PLCH2: variants seen among roughly 807,000 people sequenced by gnomAD.
The protein encoded by PLCH2 is phospholipase C eta 2, also known as 1-phosphatidylinositol 4,5-bisphosphate phosphodiesterase eta-2.
A neutral mutation model predicts 134.7 loss-of-function variants in PLCH2; 98 were observed. That is an observed-to-expected ratio of 0.73 (90% CI 0.62 to 0.86). The LOEUF (loss-of-function observed/expected upper bound fraction) is 0.86, where lower values mean the gene tolerates loss of function less well. PLCH2 is among the 40% of genes least tolerant of loss of function. PLCH2 has a pLI of 0.00. For synonymous variants in PLCH2, 974 were observed against 827.5 expected (o/e 1.18, Z -3.04); for missense variants, 1,994 against 1,986.6 (o/e 1.00, Z -0.07).
chr1:2,431,701 C>T (rs1481531726), intron 2 of PLCH2, among the ~76,000 whole-genome samples: 2 of 152,158 alleles, frequency 1.3e-5, no homozygotes, highest in Admixed American at 6.5e-5. Context: ...TAGAGGACTC[C>T]TGCTGTGTAC....
chr1:2,418,296 G>A, the PLCH2 span, among the ~76,000 whole-genome samples: 2 of 152,240 alleles, frequency 1.3e-5, no homozygotes, highest in South Asian at 2.1e-4. Flanking sequence ...TCCTCTGGGC[G>A]CCTTCAGTTA....
chr1:2,437,375 C>T lies in PLCH2; in HGVS notation c.115+6746C>T, dbSNP rs569556109. Among the ~76,000 whole-genome samples the T allele has an allele frequency of 4.3e-3, 654 of 152,282 alleles. 3 individuals carry two copies. The highest frequency in any genetic ancestry group is 6.4e-3 in the Non-Finnish European group (438 of 68,016). ...AAGACTGACTTAGACCTCCTCTGGCCAGCTGGACAGCTCTGCCCAAATCTC... is the reference window on the plus strand; with the variant it reads ...AAGACTGACTTAGACCTCCTCTGGCTAGCTGGACAGCTCTGCCCAAATCTC... On this transcript the variant is annotated intron_variant, in intron 2 of 3. Transcript: ENST00000609981.
At chr1:2,450,560 G>GCCCCCTAACTCCCCACCTT (rs1200111992) in intron 2 of PLCH2, among the ~76,000 whole-genome samples, 1 of 38,604 alleles carries the variant, frequency 2.6e-5, no homozygotes, top group Non-Finnish European at 5.0e-5. Context: ...TTCCCCACCT[G>GCCCCCTAACTCCCCACCTT]CCCCCTAACT....
the PLCH2 span, among the ~76,000 whole-genome samples, chr1:2,418,972 A>ACC: frequency 6.6e-6 from 1 of 151,936 alleles, no homozygotes; most frequent in African/African-American, 2.4e-5. Context: ...CCACTCCCCT[A>ACC]CCCGAGAGAG....
chr1:2,424,798 T>G (rs570324702), upstream of PLCH2, among the ~76,000 whole-genome samples: 7 of 152,148 alleles, frequency 4.6e-5, no homozygotes, highest in South Asian at 2.1e-4. Context: ...CCATCCTGGC[T>G]AACACAGTGA....
rs775079536 is a variant in PLCH2 at position 2,478,642 on chromosome 1, TG to T, written c.271+24del. 1 of 1,594,408 alleles carries T rather than the reference TG, an allele frequency of 6.3e-7. No homozygotes were observed. The highest frequency in any genetic ancestry group is 8.5e-7 in the Non-Finnish European group (1 of 1,171,402). ...CCAAGAGTGAGTGGGAGCCCTGGGGTGGGGACAAATCAGAGTCCCTGGGGGG... is the reference window on the plus strand; with the variant it reads ...CCAAGAGTGAGTGGGAGCCCTGGGGTGGGACAAATCAGAGTCCCTGGGGGG... On this transcript the variant is annotated intron_variant, in intron 2 of 21. Transcript: ENST00000378486.
intron 20 of PLCH2, chr1:2,500,927 C>T (rs1305786732): frequency 6.7e-6 from 1 of 149,500 alleles, no homozygotes; most frequent in African/African-American, 2.5e-5. Context: ...CCCTCCTATC[C>T]CCCTCCTTCT....
At position 2,497,028 on chromosome 1, in the gene PLCH2, G is replaced by A. The variant is rs1570474824; in HGVS notation, c.2116+18G>A. 1 of 1,608,080 alleles carries A rather than the reference G, an allele frequency of 6.2e-7. No individual in the cohort carries two copies. ...CCAAATGGGTGGGTGCGGGCATGGT[G>A]CGCTGGGTGTGGTGGGGAGGGCTCG... is the stretch of plus-strand genomic sequence containing the variant. On this transcript the variant is annotated intron_variant, in intron 15 of 21. Coordinates refer to ENST00000378486, the MANE Select transcript of PLCH2 (RefSeq NM_014638.4).
rs1641648411 is a variant in PLCH2, at chr1:2,476,722, G to A, written c.124+10G>A. 1.9e-6 allele frequency: 3 copies of A among 1,601,146 alleles called. No individual in the cohort carries two copies. The highest frequency in any genetic ancestry group is 8.5e-7 in the Non-Finnish European group (1 of 1,175,154). Reference sequence around the variant, plus strand: ...CAGCTCGGCCCCCTGGGTAAGAAGGGGCAGGCGAGTGGCCTGGGCTGAGTG... The same window carrying A: ...CAGCTCGGCCCCCTGGGTAAGAAGGAGCAGGCGAGTGGCCTGGGCTGAGTG... On this transcript the variant is annotated intron_variant, in intron 1 of 21. Transcript: ENST00000378486.
rs765088610 is a variant in PLCH2 at position 2,496,590 on chromosome 1, C to A, written c.1836-17C>A. On this transcript the variant is annotated splice_polypyrimidine_tract_variant and intron_variant, in intron 13 of 21. Coordinates refer to ENST00000378486, the MANE Select transcript of PLCH2 (RefSeq NM_014638.4). The stretch of plus-strand genomic sequence containing the variant: ...GCCCTGGACGGGAGGGGTTCTGACC[C>A]CCTGCACCTGCCACAGGGCGACCCG... The A allele has an allele frequency of 4.4e-6, 7 of 1,600,592 alleles. No individual in the cohort carries two copies. The highest frequency in any genetic ancestry group is 6.0e-6 in the Non-Finnish European group (7 of 1,174,002).
intron 15 of PLCH2, 91 bp from the exon 16 acceptor site, chr1:2,497,411 G>A: frequency 2.4e-6 from 2 of 844,186 alleles, no homozygotes; most frequent in Non-Finnish European, 3.8e-6. Context: ...CGGCAGCTGT[G>A]CAGGGGAGGC....
At chr1:2,484,825 C>T (rs1642205686) in intron 5 of PLCH2, among the ~76,000 whole-genome samples, 1 of 152,102 alleles carries the variant, frequency 6.6e-6, no homozygotes, top group Non-Finnish European at 1.5e-5. Context: ...TGAGAGCCCC[C>T]CAAGTTGGCT....
At position 2,504,221 on chromosome 1, in the gene PLCH2, C is replaced by T. The variant is rs1199479279; in HGVS notation, c.3259C>T (p.His1087Tyr). 2 of 1,565,624 alleles carry T rather than the reference C, an allele frequency of 1.3e-6. No homozygotes were observed. Among genetic ancestry groups the T allele is most frequent in the African/African-American group, 1.4e-5 (1 of 73,570 alleles). ...CAGGAGCCAGCCCCGGACCCTGGGC[C>T]ACCTGCCCGTGATTAGAAGGGTGAA... is the stretch of plus-strand genomic sequence containing the variant. ...DGRSQPRTLG[H>Y]LPVIRRVKSE... The change falls in exon 22 of 22, where the codon CAC becomes TAC. Residue 1087 changes from histidine to tyrosine, a missense_variant. Physicochemically the swap from His to Tyr is moderately conservative, Grantham distance 83. Around this residue, in one of 2 missense-constraint regions of PLCH2, gnomAD observed 900 missense variants for 752.3 expected, o/e 1.20. Coordinates refer to ENST00000378486, the MANE Select transcript of PLCH2 (RefSeq NM_014638.4).
the PLCH2 span, among the ~76,000 whole-genome samples, chr1:2,419,582 G>A: frequency 6.6e-6 from 1 of 152,174 alleles, no homozygotes; most frequent in Admixed American, 6.5e-5. Flanking sequence ...CGGAAGGGGA[G>A]CAGGCAGGGG....
In PLCH2 at chr1:2,439,618, C is replaced by T. The variant is rs141525485; in HGVS notation, c.115+8989C>T. On this transcript the variant is annotated intron_variant, in intron 2 of 3. Transcript: ENST00000609981. This position sits in a 1 kb window ranked among gnomAD's most constrained non-coding sequence, Gnocchi z 4.7. ...TCTGCAGTGCTCAGCTGTGCCTCTCCGGGCTGTCTGTCCTCCATGGTGACC... is the reference window on the plus strand; with the variant it reads ...TCTGCAGTGCTCAGCTGTGCCTCTCTGGGCTGTCTGTCCTCCATGGTGACC... Among the ~76,000 whole-genome samples, 5 of 152,346 alleles carry T rather than the reference C, an allele frequency of 3.3e-5. No homozygotes were observed. Among genetic ancestry groups the T allele is most frequent in the Admixed American group, 6.5e-5 (1 of 15,310 alleles).
chr1:2,503,805 G>C (rs1397739648), intron 21 of PLCH2, 117 bp from the exon 22 acceptor site: 6 of 613,998 alleles, frequency 9.8e-6, no homozygotes, highest in Middle Eastern at 4.2e-4. Context: ...GGCGACCCTC[G>C]GCACAGGGCA....
At chr1:2,429,605 G>A (rs1638968732) in intron 1 of PLCH2, among the ~76,000 whole-genome samples, 1 of 152,174 alleles carries the variant, frequency 6.6e-6, no homozygotes, top group South Asian at 2.1e-4. Context: ...TGAGAATTAG[G>A]GGTTTGGAGC....
At chr1:2,484,367 G>C (rs1642178378) in intron 4 of PLCH2, 81 bp from the exon 5 acceptor site, 2 of 1,383,672 alleles carry the variant, frequency 1.4e-6, no homozygotes, top group Admixed American at 1.9e-5. Context: ...CTTGACTGGG[G>C]AGTGGGGTGG....
intron 1 of PLCH2, among the ~76,000 whole-genome samples, chr1:2,428,457 G>A (rs1638904837): frequency 1.3e-5 from 2 of 152,250 alleles, no homozygotes; most frequent in Admixed American, 6.5e-5. Context: ...GTGGGCAAGC[G>A]TGGACTGCAT....
Sources: allele counts gnomAD v4.1 joint callset (sites outside exome capture counted in the v4.1 genomes callset), GRCh38; gene constraint gnomAD v4.1.1; regional missense constraint gnomAD v4.1.1; non-coding constraint Gnocchi (gnomAD v3.1); transcripts MANE v1.5; gene names NCBI Gene and HGNC (gene_info 2026-07-23, HGNC 2026-07-21).